Variants in SLC22A3 observed in about 807,000 individuals in gnomAD.
SLC22A3 encodes EMT organic cation transporter 3.
Under a neutral mutation model 59.1 loss-of-function variants are expected in SLC22A3, and 51 were observed. The ratio of observed to expected loss-of-function variants is 0.86; its 90% CI spans 0.69 to 1.09. The LOEUF (loss-of-function observed/expected upper bound fraction) is 1.09. Ranked by LOEUF, SLC22A3 falls within the 50% of genes least tolerant of loss-of-function variation. The pLI is 0.00. For synonymous variants in SLC22A3, 325 were observed against 292.0 expected, an observed-to-expected ratio of 1.11 and a Z score of -1.15; for missense variants, 711 against 726.3, an observed-to-expected ratio of 0.98 and a Z score of 0.24.
rs9457923 is a variant in SLC22A3 at position 160,425,962 on chromosome 6, C to A, written c.976-10818C>A. ...GTGTGCTACTGGCTTATGGCTGATA[C>A]GTAAGAGAATCTCATCTATCTCTAA... On this transcript the variant is annotated intron_variant, in intron 5 of 10. Transcript: ENST00000275300. 4,042 of 985,358 alleles carry A rather than the reference C, an allele frequency of 4.1e-3. 104 individuals carry two copies. The African/African-American group carries it at 0.063, about 15-fold the overall frequency. The allele number at this position is 985,358 out of a possible 1,614,324, so 61.0% of individuals were successfully genotyped here. A position where few individuals can be genotyped will look rare whatever the true frequency, so the allele number is the denominator to read the frequency against.
chr6:160,349,497 T>A (rs1280886152), intron 1 of SLC22A3, among the ~76,000 whole-genome samples: 1 of 151,794 alleles, frequency 6.6e-6, no homozygotes, highest in Admixed American at 6.6e-5. Context: ...TTTCTGGTAA[T>A]AAATTTTAGG....
chr6:160,436,730 G>GTTTTT, intron 5 of SLC22A3, 50 bp from the exon 6 acceptor site: 1 of 1,017,400 alleles, frequency 9.8e-7, no homozygotes, highest in Non-Finnish European at 1.5e-6. Context: ...TACTATGCAG[G>GTTTTT]TTTTTTTTTT....
intron 1 of SLC22A3, among the ~76,000 whole-genome samples, chr6:160,383,560 G>A (rs908758495): frequency 5.3e-5 from 8 of 151,730 alleles, no homozygotes; most frequent in Non-Finnish European, 1.2e-4. Flanking sequence ...TTTCCAAAGT[G>A]AATATAGTTT....
chr6:160,397,636 A>T (rs1303694602), intron 1 of SLC22A3, among the ~76,000 whole-genome samples: 1 of 151,230 alleles, frequency 6.6e-6, no homozygotes, highest in African/African-American at 2.4e-5. Context: ...CAGGAGGCTG[A>T]GGCAGGAGAA....
intron 2 of SLC22A3, among the ~76,000 whole-genome samples, chr6:160,400,913 T>C (rs185543692): frequency 4.0e-5 from 6 of 150,172 alleles, no homozygotes; most frequent in East Asian, 2.0e-4. Context: ...ACTGGGCTTA[T>C]TAGGAGATTG....
intron 1 of SLC22A3, among the ~76,000 whole-genome samples, chr6:160,357,361 C>T (rs7775894): frequency 0.031 from 4,744 of 152,254 alleles, 238 homozygotes; most frequent in African/African-American, 0.11. Context: ...ACCTAGCATA[C>T]ACACAGGATG....
intron 1 of SLC22A3, among the ~76,000 whole-genome samples, 171 bp from the exon 2 acceptor site, chr6:160,397,807 CA>C (rs1786559226): frequency 1.3e-5 from 2 of 149,782 alleles, no homozygotes; most frequent in African/African-American, 4.9e-5. Context: ...GTTATTTAAA[CA>C]AAGGATATTT....
At position 160,377,644 on chromosome 6, in the gene SLC22A3, C is replaced by T. The variant is rs753390642; in HGVS notation, c.430-20335C>T. ...CTCCTAAGATTATTAAGAGTTTTCT[C>T]GAGTCTCTTTTCCTGATTCCAATCA... On this transcript the variant is annotated intron_variant, in intron 1 of 10. Transcript: ENST00000275300. Among the ~76,000 whole-genome samples, 15 of 152,222 alleles carry T rather than the reference C, an allele frequency of 9.9e-5. No individual in the cohort carries two copies. The Middle Eastern group carries it at 0.01, about 104-fold the overall frequency.
intron 5 of SLC22A3, among the ~76,000 whole-genome samples, chr6:160,414,448 A>C (rs1787387468): frequency 6.6e-6 from 1 of 152,316 alleles, no homozygotes; most frequent in African/African-American, 2.4e-5. Context: ...GTGATTAATG[A>C]GTTGAGTGTG....
intron 7 of SLC22A3, among the ~76,000 whole-genome samples, chr6:160,440,808 C>T (rs1036225196): frequency 6.6e-6 from 1 of 152,110 alleles, no homozygotes; most frequent in African/African-American, 2.4e-5. Context: ...GACTCTACTG[C>T]TTGGAAAAGA....
intron 1 of SLC22A3, among the ~76,000 whole-genome samples, chr6:160,395,526 A>G (rs368052622): frequency 6.2e-4 from 94 of 152,308 alleles, no homozygotes; most frequent in Non-Finnish European, 1.0e-3. Context: ...CTGAAATTCT[A>G]TGTACTTTTA....
chr6:160,372,773 T>C (rs1583454802), intron 1 of SLC22A3, among the ~76,000 whole-genome samples: 1 of 152,350 alleles, frequency 6.6e-6, no homozygotes, highest in East Asian at 1.9e-4. Context: ...TATCTTTTCT[T>C]CTGGTTGATT....
At chr6:160,367,144 T>C (rs934280408) in intron 1 of SLC22A3, among the ~76,000 whole-genome samples, 1 of 152,152 alleles carries the variant, frequency 6.6e-6, no homozygotes, top group African/African-American at 2.4e-5. Flanking sequence ...AGGAAACAGG[T>C]TTAATTGACT....
intron 2 of SLC22A3, among the ~76,000 whole-genome samples, chr6:160,400,984 G>GAAAAAAAAAA (rs58532600): frequency 3.8e-5 from 3 of 78,556 alleles, no homozygotes; most frequent in Non-Finnish European, 7.0e-5. Flanking sequence ...CTCCAAAACT[G>GAAAAAAAAAA]AAAAAAAAAA....
chr6:160,410,581 C>G (rs1283311168), intron 4 of SLC22A3, 148 bp from the exon 5 acceptor site: 1 of 643,642 alleles, frequency 1.6e-6, no homozygotes, highest in Non-Finnish European at 2.9e-6. Context: ...CAGGAATAAT[C>G]TGTATTTCAG....
intron 1 of SLC22A3, among the ~76,000 whole-genome samples, chr6:160,350,647 A>G: frequency 6.6e-6 from 1 of 152,256 alleles, no homozygotes; most frequent in Admixed American, 6.5e-5. Flanking sequence ...AGCCTCAACA[A>G]GTGCTCAAGC....
chr6:160,445,029 C>T (rs959739636), intron 9 of SLC22A3, among the ~76,000 whole-genome samples: 7 of 152,256 alleles, frequency 4.6e-5, no homozygotes, highest in African/African-American at 1.4e-4. Context: ...AGACAAGACA[C>T]ATGACCTTCA....
chr6:160,352,424 C>T (rs1784692432), intron 1 of SLC22A3, among the ~76,000 whole-genome samples: 1 of 152,088 alleles, frequency 6.6e-6, no homozygotes, highest in Non-Finnish European at 1.5e-5. Context: ...CGAGTCTGAC[C>T]CCCTGTCCCA....
intron 5 of SLC22A3, among the ~76,000 whole-genome samples, chr6:160,426,521 G>A (rs1440497141): frequency 6.6e-6 from 1 of 152,144 alleles, no homozygotes; most frequent in Non-Finnish European, 1.5e-5. Flanking sequence ...TGCTATTAAT[G>A]TGTTCTTATG....
Sources: gnomAD v4.1 joint callset for allele counts (sites outside exome capture counted in the v4.1 genomes callset) on GRCh38, gnomAD v4.1.1 for gene constraint, MANE v1.5 for transcripts, NCBI Gene and HGNC (gene_info 2026-07-23, HGNC 2026-07-21) for gene names.